Variants in YAF2 observed in about 807,000 individuals in gnomAD.
YAF2 encodes YY1 associated factor 2.
Under a neutral mutation model 20.1 loss-of-function variants are expected in YAF2, and 7 were observed. The observed-to-expected ratio is 0.35, with a 90% CI of 0.20 to 0.65. YAF2 has a LOEUF of 0.65. Ranked by LOEUF, YAF2 falls within the 30% of genes least tolerant of loss-of-function variation. YAF2 has a pLI of 0.69. For synonymous variants in YAF2, 74 were observed against 76.0 expected, an observed-to-expected ratio of 0.97 and a Z score of 0.14; for missense variants, 151 against 219.2, an observed-to-expected ratio of 0.69 and a Z score of 1.96.
At chr12:42,202,078 G>T (rs141217073) in intron 2 of YAF2, among the ~76,000 whole-genome samples, 2 of 151,880 alleles carry the variant, frequency 1.3e-5, no homozygotes, top group Admixed American at 6.6e-5. Flanking sequence ...TTATTTTCAC[G>T]TATTGCTTGA....
chr12:42,176,068 G>A (rs528001579), intron 2 of YAF2, among the ~76,000 whole-genome samples: 8 of 152,142 alleles, frequency 5.3e-5, no homozygotes, highest in East Asian at 1.9e-4. Flanking sequence ...CCAACATGGC[G>A]AAACTCCGTC....
Position 42,160,379 on chromosome 12 carries a change from C to A in YAF2, c.*210G>T. ...TCAACCACATTTTCATGGCACTTAA[C>A]TGCAGAGACCAAAATGTTAAGTCTG... On this transcript the variant is annotated 3_prime_UTR_variant, in exon 4 of 4. Coordinates refer to ENST00000534854, the MANE Select transcript of YAF2 (RefSeq NM_005748.6). The A allele has an allele frequency of 1.9e-6, 1 of 534,560 alleles. No individual in the cohort carries two copies. Among genetic ancestry groups the A allele is most frequent in the Non-Finnish European group, 3.3e-6 (1 of 303,324 alleles). 33.1% of individuals were successfully genotyped at this position (534,560 alleles called of 1,614,324 possible). A position where few individuals can be genotyped will look rare whatever the true frequency, so the allele number is the denominator to read the frequency against.
intron 2 of YAF2, among the ~76,000 whole-genome samples, chr12:42,187,727 A>G (rs1330032944): frequency 1.3e-5 from 2 of 152,216 alleles, no homozygotes; most frequent in Non-Finnish European, 2.9e-5. Context: ...TTAATAAATA[A>G]TAACTATTTG....
At chr12:42,223,217 T>C (rs2067575958) in intron 2 of YAF2, among the ~76,000 whole-genome samples, 1 of 152,106 alleles carries the variant, frequency 6.6e-6, no homozygotes, top group Non-Finnish European at 1.5e-5. Flanking sequence ...TTATTCCTCT[T>C]TCCTTCAAAG....
intron 2 of YAF2, among the ~76,000 whole-genome samples, chr12:42,221,347 A>T (rs922893671): frequency 2.0e-5 from 3 of 152,108 alleles, no homozygotes; most frequent in African/African-American, 4.8e-5. Context: ...CTGAGGCAGG[A>T]GGGGTGCTTG....
intron 2 of YAF2, among the ~76,000 whole-genome samples, chr12:42,213,855 T>C (rs1403155829): frequency 1.3e-5 from 2 of 152,108 alleles, no homozygotes; most frequent in Non-Finnish European, 2.9e-5. Flanking sequence ...TTTTATCTAA[T>C]CTCAAAATTC....
chr12:42,230,155 G>A (rs1236684107), intron 2 of YAF2, among the ~76,000 whole-genome samples: 1 of 152,170 alleles, frequency 6.6e-6, no homozygotes, highest in Non-Finnish European at 1.5e-5. Context: ...TACTCAGGAG[G>A]CTGAGGCAGG....
intron 2 of YAF2, among the ~76,000 whole-genome samples, chr12:42,214,121 A>T (rs1416453119): frequency 2.0e-5 from 3 of 152,128 alleles, no homozygotes; most frequent in African/African-American, 7.2e-5. Flanking sequence ...TTTACGACTA[A>T]ATTGTGATCT....
intron 2 of YAF2, among the ~76,000 whole-genome samples, chr12:42,216,991 A>G (rs1191261454): frequency 2.0e-5 from 3 of 152,256 alleles, no homozygotes; most frequent in African/African-American, 4.8e-5. Flanking sequence ...CACATCTATA[A>G]TACATTCATT....
chr12:42,168,510 T>G (rs1166579226), intron 2 of YAF2, among the ~76,000 whole-genome samples: 1 of 152,156 alleles, frequency 6.6e-6, no homozygotes, highest in Non-Finnish European at 1.5e-5. Context: ...GTCATAAAAT[T>G]TAAGCAGGGT....
At chr12:42,237,372 T>A in intron 2 of YAF2, 1 of 1,220,260 alleles carries the variant, frequency 8.2e-7, no homozygotes, top group South Asian at 2.2e-5. Flanking sequence ...TTAAATAATT[T>A]ATTCTCTCTT....
intron 2 of YAF2, among the ~76,000 whole-genome samples, chr12:42,230,262 AAAGAAAGAGAAGAAAGAG>A (rs539718739): frequency 5.3e-5 from 8 of 150,066 alleles, no homozygotes; most frequent in Non-Finnish European, 8.8e-5. Flanking sequence ...TCAAGAAAGA[AAAGAAAGAGAAGAAAGAG>A]AAGAAAGAGA....
At chr12:42,227,856 C>T (rs2067789658) in intron 2 of YAF2, among the ~76,000 whole-genome samples, 1 of 143,148 alleles carries the variant, frequency 7.0e-6, no homozygotes, top group Non-Finnish European at 1.5e-5. Context: ...GGGGGGTCAG[C>T]CCCCCGCCCC....
chr12:42,171,491 G>A (rs932662934), intron 2 of YAF2, among the ~76,000 whole-genome samples: 4 of 147,918 alleles, frequency 2.7e-5, no homozygotes, highest in Non-Finnish European at 5.9e-5. Flanking sequence ...AACGTGGTAT[G>A]ACCCCATCTC....
rs144996598 is a variant in YAF2, at chr12:42,225,439, G to A, written c.152+12160C>T. On this transcript the variant is annotated intron_variant, in intron 2 of 3. Coordinates refer to ENST00000534854, the MANE Select transcript of YAF2 (RefSeq NM_005748.6). ...TTTTAGTCATGAAGTCTTTGCCCAT[G>A]CCTATGTCCTGAATAGTTTTTCAGG... Among the ~76,000 whole-genome samples, 57 of 152,246 alleles carry A rather than the reference G, an allele frequency of 3.7e-4. 1 individual carries two copies. In the East Asian group the frequency reaches 9.3e-3, roughly 25 times the overall value.
At chr12:42,165,461 TTTTG>T (rs2065891328) in intron 2 of YAF2, among the ~76,000 whole-genome samples, 1 of 151,936 alleles carries the variant, frequency 6.6e-6, no homozygotes, top group Admixed American at 6.6e-5. Flanking sequence ...AGGTTTTTGT[TTTTG>T]TTTTTGTTTT....
At chr12:42,187,405 C>T (rs1363116203) in intron 2 of YAF2, among the ~76,000 whole-genome samples, 5 of 152,112 alleles carry the variant, frequency 3.3e-5, no homozygotes, top group African/African-American at 4.8e-5. Context: ...AGCCATCCTC[C>T]TGCCTTGGCC....
At position 42,237,353 on chromosome 12, in the gene YAF2, A is replaced by T. The variant is rs897417659; in HGVS notation, c.152+246T>A. ...GATACGAATTAAATCGCAGTAGCTA[A>T]TGCCTCCCTTAAATAATTTATTCTC... On this transcript the variant is annotated intron_variant, in intron 2 of 3. Transcript: ENST00000534854. The T allele has an allele frequency of 1.2e-5, 14 of 1,154,048 alleles. No homozygotes were observed. In the African/African-American group the frequency reaches 1.6e-4, roughly 14 times the overall value. The allele number at this position is 1,154,048 out of a possible 1,614,324, so 71.5% of individuals were successfully genotyped here. A position where few individuals can be genotyped will look rare whatever the true frequency, so the allele number is the denominator to read the frequency against.
At chr12:42,193,567 G>A (rs1447575869) in intron 2 of YAF2, among the ~76,000 whole-genome samples, 2 of 152,112 alleles carry the variant, frequency 1.3e-5, no homozygotes, top group Non-Finnish European at 2.9e-5. Flanking sequence ...CCAATGGTGT[G>A]ATCATTGTTC....
Sources: gnomAD v4.1 joint callset for allele counts (sites outside exome capture counted in the v4.1 genomes callset) on GRCh38, gnomAD v4.1.1 for gene constraint, MANE v1.5 for transcripts, NCBI Gene and HGNC (gene_info 2026-07-23, HGNC 2026-07-21) for gene names.